The following RGS7 variants were observed in gnomAD, a reference collection of about 807,000 sequenced individuals.
The protein encoded by RGS7 is regulator of G-protein signaling 7.
In RGS7, 27 loss-of-function variants were observed where a neutral mutation model predicts 81.1. The ratio of observed to expected loss-of-function variants is 0.33; its 90% CI spans 0.25 to 0.46. The LOEUF is 0.46. Ranked by LOEUF, RGS7 falls within the 20% of genes least tolerant of loss-of-function variation. The pLI, the probability that RGS7 is intolerant of heterozygous loss-of-function variation, is 1.00. For missense variants in RGS7, 396 were observed against 607.4 expected, an observed-to-expected ratio of 0.65 and a Z score of 3.66; for synonymous variants, 208 against 207.7, an observed-to-expected ratio of 1.00 and a Z score of -0.01.
chr1:241,014,932 A>C (rs2059147959), intron 3 of RGS7, among the ~76,000 whole-genome samples: 1 of 152,196 alleles, frequency 6.6e-6, no homozygotes, highest in South Asian at 2.1e-4. Flanking sequence ...ATCAAAGGAA[A>C]AATTTTTCAT....
chr1:241,308,841 T>C (rs559592935), intron 2 of RGS7, among the ~76,000 whole-genome samples: 8 of 152,130 alleles, frequency 5.3e-5, no homozygotes, highest in Non-Finnish European at 1.2e-4. Context: ...ATGCACAGTT[T>C]TTCCCCCCAA....
intron 3 of RGS7, among the ~76,000 whole-genome samples, chr1:241,013,978 A>C (rs1179640164): frequency 6.6e-6 from 1 of 152,228 alleles, no homozygotes; most frequent in Non-Finnish European, 1.5e-5. Flanking sequence ...TAAAATTCCA[A>C]GGAGCAGAAG....
chr1:241,026,504 G>C (rs1194541674), intron 3 of RGS7, among the ~76,000 whole-genome samples: 3 of 151,710 alleles, frequency 2.0e-5, no homozygotes, highest in Non-Finnish European at 4.4e-5. Flanking sequence ...CACAAGAATC[G>C]CTTGAACCTG....
chr1:241,298,418 C>T (rs968591481), intron 2 of RGS7, among the ~76,000 whole-genome samples: 4 of 152,212 alleles, frequency 2.6e-5, no homozygotes, highest in Admixed American at 1.3e-4. Flanking sequence ...TTAATCCAAA[C>T]TGGGATTTTC....
At chr1:240,939,887 C>G (rs932184716) in intron 4 of RGS7, among the ~76,000 whole-genome samples, 2 of 151,924 alleles carry the variant, frequency 1.3e-5, no homozygotes, top group Non-Finnish European at 2.9e-5. Flanking sequence ...CATGGCCAAC[C>G]TGGTGAACCC....
chr1:240,797,777 C>A (rs1252739251), intron 18 of RGS7, among the ~76,000 whole-genome samples: 1 of 152,102 alleles, frequency 6.6e-6, no homozygotes, highest in Non-Finnish European at 1.5e-5. Context: ...AACTTAATAA[C>A]ATTTAAAGGT....
At chr1:241,140,923 T>C (rs1461652186) in intron 2 of RGS7, among the ~76,000 whole-genome samples, 1 of 152,224 alleles carries the variant, frequency 6.6e-6, no homozygotes, top group Non-Finnish European at 1.5e-5. Context: ...ACCTCTGATC[T>C]TGTAGCACTT....
chr1:241,032,325 T>C (rs2060121120), intron 3 of RGS7, among the ~76,000 whole-genome samples: 1 of 152,218 alleles, frequency 6.6e-6, no homozygotes, highest in African/African-American at 2.4e-5. Flanking sequence ...CTCTGTTCCA[T>C]TGACCTATGT....
intron 13 of RGS7, 97 bp downstream of exon 13, chr1:240,813,521 A>G: frequency 1.3e-6 from 1 of 777,860 alleles, no homozygotes; most frequent in Non-Finnish European, 2.3e-6. Flanking sequence ...AAAGAACAAA[A>G]TTACATTCAC....
At chr1:241,317,242 A>G (rs1372773133) in intron 2 of RGS7, among the ~76,000 whole-genome samples, 1 of 152,226 alleles carries the variant, frequency 6.6e-6, no homozygotes, top group Non-Finnish European at 1.5e-5. Context: ...AGAAAGTTAC[A>G]AGTTTTGAGT....
intron 6 of RGS7, among the ~76,000 whole-genome samples, chr1:240,918,949 T>A (rs945956240): frequency 6.6e-6 from 1 of 152,092 alleles, no homozygotes; most frequent in African/African-American, 2.4e-5. Context: ...TATGAACAAC[T>A]CAACCCCACA....
chr1:240,836,126 T>A (rs1350356177), intron 9 of RGS7, among the ~76,000 whole-genome samples: 4 of 130,900 alleles, frequency 3.1e-5, no homozygotes, highest in Non-Finnish European at 6.2e-5. Context: ...TTACAACAAA[T>A]GTACCGCTCT....
At chr1:241,198,602 A>T (rs572243768) in intron 2 of RGS7, among the ~76,000 whole-genome samples, 35 of 151,508 alleles carry the variant, frequency 2.3e-4, no homozygotes, top group African/African-American at 7.6e-4. Context: ...CTGAAAAAAC[A>T]CAAGCTAACT....
At chr1:241,057,448 A>G (rs1045361311) in intron 3 of RGS7, among the ~76,000 whole-genome samples, 4 of 152,230 alleles carry the variant, frequency 2.6e-5, no homozygotes, top group African/African-American at 9.6e-5. Context: ...CAAAAAACTT[A>G]CAAAGTCGGT....
chr1:241,023,743 G>A (rs1204694186), intron 3 of RGS7, among the ~76,000 whole-genome samples: 4 of 152,040 alleles, frequency 2.6e-5, no homozygotes, highest in Non-Finnish European at 5.9e-5. Context: ...CATATTGATT[G>A]ATTGATTGAT....
intron 5 of RGS7, among the ~76,000 whole-genome samples, chr1:240,931,097 AAG>A (rs1371614029): frequency 6.6e-6 from 1 of 152,204 alleles, no homozygotes; most frequent in African/African-American, 2.4e-5. Context: ...AGAGGACTGA[AAG>A]AGTATGTTCG....
intron 3 of RGS7, among the ~76,000 whole-genome samples, chr1:241,054,989 CT>C: frequency 6.6e-6 from 1 of 152,074 alleles, no homozygotes; most frequent in Non-Finnish European, 1.5e-5. Flanking sequence ...AAATCAAGAA[CT>C]ATTAATCATG....
chr1:241,092,720 G>T (rs139842701), intron 3 of RGS7, among the ~76,000 whole-genome samples: 1 of 152,000 alleles, frequency 6.6e-6, no homozygotes, highest in Non-Finnish European at 1.5e-5. Flanking sequence ...GGCAGATTCC[G>T]GGCAAAACCA....
intron 2 of RGS7, among the ~76,000 whole-genome samples, chr1:241,294,294 TG>T (rs1405625921): frequency 3.4e-5 from 5 of 146,480 alleles, no homozygotes; most frequent in Non-Finnish European, 6.0e-5. Flanking sequence ...CTGTCGGGGG[TG>T]GGGGGCAAGA....
Sources: gnomAD v4.1 joint callset for allele counts (sites outside exome capture counted in the v4.1 genomes callset) on GRCh38, gnomAD v4.1.1 for gene constraint, MANE v1.5 for transcripts, NCBI Gene and HGNC (gene_info 2026-07-23, HGNC 2026-07-21) for gene names.